NOC4L: variants seen among roughly 807,000 people sequenced by gnomAD.
NOC4L encodes nucleolar complex protein 4 homolog.
In NOC4L, 40 loss-of-function variants were observed where a neutral mutation model predicts 62.8. The observed-to-expected ratio is 0.64, with a 90% CI of 0.49 to 0.83. The LOEUF is 0.83. NOC4L is among the 40% of genes least tolerant of loss of function. The pLI is 0.00. For missense variants in NOC4L, 927 were observed against 701.9 expected (o/e 1.32, Z -3.62); for synonymous variants, 433 against 299.8 (o/e 1.44, Z -4.59).
At position 132,152,262 on chromosome 12, in the gene NOC4L, C is replaced by T. The variant is rs1450787085; in HGVS notation, c.1432-20C>T. On this transcript the variant is annotated intron_variant, in intron 14 of 14. Transcript: ENST00000330579. ...GGCGCTGAGCCAAGCCTGAGAGCCG[C>T]CGTGCTTTGTGCTTTGCAGATCTTT... 1 of 1,583,890 alleles carries T rather than the reference C, an allele frequency of 6.3e-7. No homozygotes were observed.
rs771866737 is a variant in NOC4L, at chr12:132,144,523, G to A, written c.35G>A (p.Arg12Gln). The A allele has an allele frequency of 2.0e-6, 3 of 1,516,172 alleles. No individual in the cohort carries two copies. The highest frequency in any genetic ancestry group is 2.6e-6 in the Non-Finnish European group (3 of 1,141,544). 93.9% of individuals were successfully genotyped at this position (1,516,172 alleles called of 1,614,324 possible). A position where few individuals can be genotyped will look rare whatever the true frequency, so the allele number is the denominator to read the frequency against. ...GAGCCGGGCGCCGCGGGAGTTCGCC[G>A]GGCTCTGGGCCGCCGGCTGGAGGCG... ...EREPGAAGVR[R>Q]ALGRRLEAVL... The change falls in exon 1 of 15, where the codon CGG becomes CAG. Residue 12 changes from arginine (R) to glutamine (Q), a missense_variant. Arg to Gln is a conservative substitution (Grantham distance 43, BLOSUM62 1). Coordinates refer to ENST00000330579, the MANE Select transcript of NOC4L (RefSeq NM_024078.3).
In NOC4L at chr12:132,147,622, C is replaced by G. The variant is rs78636093; in HGVS notation, c.454-11C>G. The G allele has an allele frequency of 6.2e-7, 1 of 1,612,312 alleles. No homozygotes were observed. Among genetic ancestry groups the G allele is most frequent in the Admixed American group, 1.7e-5 (1 of 59,994 alleles). ...GGCCGGGCAGGGCTGCTCACTGGTC[C>G]TTGCCCCTAGTTGGTGGTGGGAGGC... On this transcript the variant is annotated splice_polypyrimidine_tract_variant and intron_variant, in intron 4 of 14. Coordinates refer to ENST00000330579, the MANE Select transcript of NOC4L (RefSeq NM_024078.3).
At position 132,152,441 on chromosome 12, in the gene NOC4L, C is replaced by A; in HGVS notation, c.*40C>A. 1.3e-6 allele frequency: 2 copies of A among 1,538,812 alleles called. No individual in the cohort carries two copies. The highest frequency in any genetic ancestry group is 8.8e-7 in the Non-Finnish European group (1 of 1,137,522). Reference sequence around the variant, plus strand: ...TGAATAAATCTCAGCTGACCCCAGCCCACCTGTGAATAAATGTTTTTGCAG... The same window carrying A: ...TGAATAAATCTCAGCTGACCCCAGCACACCTGTGAATAAATGTTTTTGCAG... On this transcript the variant is annotated 3_prime_UTR_variant, in exon 15 of 15. Transcript: ENST00000330579.
intron 3 of NOC4L, chr12:132,146,291 CGTGTTCGAA>C (rs756199593): frequency 8.8e-6 from 4 of 456,050 alleles, no homozygotes. Context: ...CACTCATCGG[CGTGTTCGAA>C]GTTCGTTCTC....
At chr12:132,145,821 C>T (rs558928219) in intron 3 of NOC4L, among the ~76,000 whole-genome samples, 156 bp downstream of exon 3, 1 of 152,342 alleles carries the variant, frequency 6.6e-6, no homozygotes, top group African/African-American at 2.4e-5. Flanking sequence ...CATTCAGAAA[C>T]ATGGCTATCG....
rs961174946 is a variant in NOC4L at position 132,151,528 on chromosome 12, C to G, written c.1118C>G (p.Ala373Gly). ...YLVAAFAKRL[A>G]RLALTAPPEA... ...GTGGCCGCCTTCGCCAAGCGGCTGG[C>G]CCGCCTGGCCCTGACGGCTCCCCCT... Residue 373 changes from alanine to glycine, a missense_variant, in exon 12 of 15, where the codon GCC (alanine) becomes GGC (glycine). Coordinates refer to ENST00000330579, the MANE Select transcript of NOC4L (RefSeq NM_024078.3). 6.2e-7 allele frequency: 1 copy of G among 1,607,274 alleles called. No homozygotes were observed. Among genetic ancestry groups the G allele is most frequent in the Non-Finnish European group, 8.5e-7 (1 of 1,179,034 alleles).
Position 132,147,963 on chromosome 12 carries a change from C to T in NOC4L, c.687C>T (p.Phe229=). The change falls in exon 6 of 15, where the codon TTC becomes TTT. Residue 229 remains phenylalanine, a synonymous_variant. Transcript: ENST00000330579. ...GCCGGGAGCCCACCGTCTCCAGCTT[C>T]TATGTGAAGCGGGCGGGTGAGTGTG... ...LPRREPTVSS[F]YVKRAELWDT... is the part of the protein sequence containing the mutation. 6.2e-7 allele frequency: 1 copy of T among 1,610,468 alleles called. No individual in the cohort carries two copies. Among genetic ancestry groups the T allele is most frequent in the East Asian group, 2.2e-5 (1 of 44,792 alleles).
chr12:132,147,878 A>G lies in NOC4L; in HGVS notation c.604-2A>G. ...TCCAGGCACTCAGGCCAGGCTCCGC[A>G]GGTGCCCCCCGCCTTTTGGAACAAT... On this transcript the variant is annotated splice_acceptor_variant, in intron 5 of 14. Coordinates refer to ENST00000330579, the MANE Select transcript of NOC4L (RefSeq NM_024078.3). LOFTEE classifies it high-confidence loss of function. The G allele has an allele frequency of 6.2e-7, 1 of 1,609,550 alleles. No individual in the cohort carries two copies. The highest frequency in any genetic ancestry group is 8.5e-7 in the Non-Finnish European group (1 of 1,179,490).
chr12:132,146,639 G>A (rs1489369817), intron 3 of NOC4L, among the ~76,000 whole-genome samples: 3 of 152,132 alleles, frequency 2.0e-5, no homozygotes, highest in South Asian at 2.1e-4. Flanking sequence ...AATTATAGCC[G>A]AGCTGCAGAC....
intron 2 of NOC4L, 93 bp downstream of exon 2, chr12:132,145,067 C>G: frequency 6.9e-7 from 1 of 1,457,454 alleles, no homozygotes; most frequent in Non-Finnish European, 9.1e-7. Flanking sequence ...AACCCTGGCA[C>G]AGGCCGTGCA....
chr12:132,152,217 T>C lies in NOC4L; in HGVS notation c.1431+20T>C, dbSNP rs369376839. 7.7e-5 allele frequency: 123 copies of C among 1,607,656 alleles called. No individual in the cohort carries two copies. Among genetic ancestry groups the C allele is most frequent in the Non-Finnish European group, 1.0e-4 (121 of 1,177,812 alleles). On this transcript the variant is annotated intron_variant, in intron 14 of 14. Coordinates refer to ENST00000330579, the MANE Select transcript of NOC4L (RefSeq NM_024078.3). ...TACGAGGTGCGGAACTGGGCCAGGG[T>C]GCGAGGGTCTGGGCCACGGGGCGCT...
At chr12:132,146,448 G>A (rs543240911) in intron 3 of NOC4L, 10 of 433,168 alleles carry the variant, frequency 2.3e-5, no homozygotes, top group African/African-American at 2.0e-4. Flanking sequence ...AAACTCTTGT[G>A]TGATGTTTCT....
chr12:132,147,048 C>T (rs1033653624), intron 3 of NOC4L, among the ~76,000 whole-genome samples: 1 of 152,212 alleles, frequency 6.6e-6, no homozygotes, highest in South Asian at 2.1e-4. Flanking sequence ...CTTCCCCCGC[C>T]AGACTCTGTC....
chr12:132,151,046 G>T lies in NOC4L; in HGVS notation c.962+5G>T. The T allele has an allele frequency of 6.2e-7, 1 of 1,609,342 alleles. No individual in the cohort carries two copies. The highest frequency in any genetic ancestry group is 8.5e-7 in the Non-Finnish European group (1 of 1,177,776). ...CTTGATTCACAAACACAACCTGTGA[G>T]TGTCACCAGGGGTGCAGGTCTTCTT... On this transcript the variant is annotated splice_donor_5th_base_variant and intron_variant, in intron 10 of 14. Coordinates refer to ENST00000330579, the MANE Select transcript of NOC4L (RefSeq NM_024078.3).
chr12:132,148,752 C>A (rs1209301221), intron 8 of NOC4L, 32 bp from the exon 9 acceptor site: 1 of 617,236 alleles, frequency 1.6e-6, no homozygotes, highest in Non-Finnish European at 2.5e-6. Context: ...CGCCCACCCG[C>A]CCCTCACCCC....
At chr12:132,148,721 T>G in intron 8 of NOC4L, 62 bp downstream of exon 8, 11 of 1,300,024 alleles carry the variant, frequency 8.5e-6, no homozygotes, top group Non-Finnish European at 1.0e-5. Flanking sequence ...GGCGGAGGCC[T>G]CACCCCGACC....
chr12:132,151,553 T>C lies in NOC4L; in HGVS notation c.1143T>C (p.Pro381=). 1 of 1,609,580 alleles carries C rather than the reference T, an allele frequency of 6.2e-7. No homozygotes were observed. Among genetic ancestry groups the C allele is most frequent in the South Asian group, 1.1e-5 (1 of 90,940 alleles). Residue 381 remains proline, a synonymous_variant, in exon 12 of 15, where the codon CCT becomes CCC. Coordinates refer to ENST00000330579, the MANE Select transcript of NOC4L (RefSeq NM_024078.3). The stretch of plus-strand genomic sequence containing the variant: ...CCCGCCTGGCCCTGACGGCTCCCCC[T>C]GAGGCCCTGCTCATGGTCCTGCCTT... ...RLARLALTAP[P]EALLMVLPFI... is the part of the protein sequence containing the mutation.
intron 2 of NOC4L, 36 bp from the exon 3 acceptor site, chr12:132,145,523 G>C: frequency 7.0e-7 from 1 of 1,423,110 alleles, no homozygotes; most frequent in South Asian, 1.2e-5. Flanking sequence ...GCGTATGTGG[G>C]CCTCACGTGG....
rs773097883 is a variant in NOC4L, at chr12:132,144,526, C to G, written c.38C>G (p.Ala13Gly). ...REPGAAGVRR[A>G]LGRRLEAVLA... ...CCGGGCGCCGCGGGAGTTCGCCGGG[C>G]TCTGGGCCGCCGGCTGGAGGCGGTG... Residue 13 changes from alanine (A) to glycine (G), a missense_variant, in exon 1 of 15, where the codon GCT becomes GGT. Physicochemically the swap from Ala to Gly is moderately conservative, Grantham distance 60. Coordinates refer to ENST00000330579, the MANE Select transcript of NOC4L (RefSeq NM_024078.3). The G allele has an allele frequency of 5.9e-6, 9 of 1,520,014 alleles. No individual in the cohort carries two copies. In the Admixed American group the frequency reaches 1.8e-4, roughly 31 times the overall value. The allele number at this position is 1,520,014 out of a possible 1,614,324, so 94.2% of individuals were successfully genotyped here.
Sources: gnomAD v4.1 joint callset for allele counts (sites outside exome capture counted in the v4.1 genomes callset) on GRCh38, gnomAD v4.1.1 for gene constraint, MANE v1.5 for transcripts, NCBI Gene and HGNC (gene_info 2026-07-23, HGNC 2026-07-21) for gene names.